The following RPS6KA3 variants were observed in gnomAD, a reference collection of about 807,000 sequenced individuals.
RPS6KA3 encodes the protein ribosomal protein S6 kinase alpha-3.
RPS6KA3 carries 4 observed loss-of-function variants against 67.2 expected under a neutral mutation model. The observed-to-expected ratio is 0.06, with a 90% CI of 0.03 to 0.14. The LOEUF (loss-of-function observed/expected upper bound fraction) is 0.14. Among genes scored for constraint, RPS6KA3 ranks in the 10% least tolerant of loss-of-function variants. RPS6KA3 has a pLI of 1.00. For synonymous variants in RPS6KA3, 182 were observed against 183.7 expected (o/e 0.99, Z 0.07); for missense variants, 204 against 559.0 (o/e 0.36, Z 6.40).
chrX:20,208,088 G>A (rs1461273741), intron 3 of RPS6KA3, among the ~76,000 whole-genome samples: 1 of 110,862 alleles, frequency 9.0e-6, no homozygotes, highest in African/African-American at 3.3e-5. Context: ...CTGGCGCGGT[G>A]GGAGGGGGAG....
chrX:20,178,008 T>C (rs1199703427), intron 10 of RPS6KA3, among the ~76,000 whole-genome samples: 4 of 111,848 alleles, frequency 3.6e-5, no homozygotes, highest in Non-Finnish European at 5.6e-5. Context: ...ACAATAATAA[T>C]AGAGCTGGGG....
chrX:20,182,069 T>C lies in RPS6KA3; in HGVS notation c.845+4227A>G, dbSNP rs2067855787. ...TTTAGACCTTTTATATTGTGTAGAA[T>C]AATATAAAATGCCCCAAAAAACCCC... On this transcript the variant is annotated intron_variant, in intron 10 of 21. Coordinates refer to ENST00000379565, the MANE Select transcript of RPS6KA3 (RefSeq NM_004586.3). Among the ~76,000 whole-genome samples, 3 of 111,391 alleles carry C rather than the reference T, an allele frequency of 2.7e-5. No homozygotes were observed. In the South Asian group the frequency reaches 1.1e-3, roughly 42 times the overall value.
chrX:20,227,676 G>T (rs1007263508), intron 2 of RPS6KA3, among the ~76,000 whole-genome samples: 24 of 108,278 alleles, frequency 2.2e-4, no homozygotes, highest in Non-Finnish European at 3.6e-4. Context: ...TCCTCATTTT[G>T]GAAAATTGCT....
At chrX:20,225,155 T>C (rs1168802841) in intron 2 of RPS6KA3, among the ~76,000 whole-genome samples, 2 of 108,661 alleles carry the variant, frequency 1.8e-5, no homozygotes, top group Non-Finnish European at 3.8e-5. Context: ...GTGATGAATA[T>C]ACTAGAACAG....
At chrX:20,198,361 AC>A (rs765446446) in intron 4 of RPS6KA3, among the ~76,000 whole-genome samples, 1 of 112,118 alleles carries the variant, frequency 8.9e-6, no homozygotes, top group Non-Finnish European at 1.9e-5. Context: ...GCTTTCTAGC[AC>A]CCGACTCTTA....
intron 1 of RPS6KA3, among the ~76,000 whole-genome samples, chrX:20,243,344 C>G (rs2069598532): frequency 8.9e-6 from 1 of 111,903 alleles, no homozygotes; most frequent in Non-Finnish European, 1.9e-5. Context: ...GCACTGGATC[C>G]CCAGTCCCCT....
At chrX:20,226,021 A>G (rs1339931719) in intron 2 of RPS6KA3, among the ~76,000 whole-genome samples, 1 of 110,437 alleles carries the variant, frequency 9.1e-6, no homozygotes, top group Admixed American at 9.6e-5. Flanking sequence ...CCCCATCTCT[A>G]AAATACAAAA....
At chrX:20,235,894 A>C (rs1214847189) in intron 1 of RPS6KA3, among the ~76,000 whole-genome samples, 1 of 112,154 alleles carries the variant, frequency 8.9e-6, no homozygotes, top group Non-Finnish European at 1.9e-5. Context: ...TTCCAAAAAG[A>C]ACTTCAAATT....
intron 10 of RPS6KA3, among the ~76,000 whole-genome samples, chrX:20,181,683 G>T (rs1204663838): frequency 9.0e-6 from 1 of 111,689 alleles, no homozygotes; most frequent in Non-Finnish European, 1.9e-5. Flanking sequence ...TGAATTGTGT[G>T]AATGAATGGT....
chrX:20,225,525 A>C (rs1251300462), intron 2 of RPS6KA3, among the ~76,000 whole-genome samples: 1 of 111,407 alleles, frequency 9.0e-6, no homozygotes, highest in Admixed American at 9.5e-5. Context: ...TCAACCAATG[A>C]GAGTTAGAAC....
chrX:20,202,887 A>G (rs781229071), intron 4 of RPS6KA3, among the ~76,000 whole-genome samples: 3 of 112,086 alleles, frequency 2.7e-5, no homozygotes, highest in African/African-American at 9.7e-5. Context: ...GATTGAGGAT[A>G]TAATTTAATT....
At chrX:20,225,179 T>C in intron 2 of RPS6KA3, among the ~76,000 whole-genome samples, 1 of 108,909 alleles carries the variant, frequency 9.2e-6, no homozygotes, top group Non-Finnish European at 1.9e-5. Context: ...AGAAGCAATT[T>C]TGGGTCAGAG....
At chrX:20,163,855 G>A (rs770709742) in intron 18 of RPS6KA3, among the ~76,000 whole-genome samples, 2 of 111,653 alleles carry the variant, frequency 1.8e-5, no homozygotes, top group Non-Finnish European at 3.8e-5. Flanking sequence ...TTTTAGTAGA[G>A]ACAGGGTTTC....
At chrX:20,193,257 A>G (rs2068188524) in intron 7 of RPS6KA3, among the ~76,000 whole-genome samples, 1 of 111,605 alleles carries the variant, frequency 9.0e-6, no homozygotes, top group Non-Finnish European at 1.9e-5. Flanking sequence ...CAGCCTGGGC[A>G]ACAAGAGCAA....
intron 1 of RPS6KA3, among the ~76,000 whole-genome samples, chrX:20,263,984 T>C (rs181060893): frequency 1.7e-3 from 185 of 112,032 alleles, no homozygotes; most frequent in African/African-American, 5.2e-3. Context: ...TATGTTACTC[T>C]GGTAAAATAC....
intron 1 of RPS6KA3, among the ~76,000 whole-genome samples, chrX:20,264,973 A>C (rs778129660): frequency 8.9e-6 from 1 of 112,485 alleles, no homozygotes; most frequent in Non-Finnish European, 1.9e-5. Flanking sequence ...AAACATCATA[A>C]ATTTGGCTTT....
At chrX:20,186,431 A>T (rs948040306) in intron 9 of RPS6KA3, 65 bp from the exon 10 acceptor site, 13 of 110,890 alleles carry the variant, frequency 1.2e-4, no homozygotes, top group Middle Eastern at 1.9e-3. Flanking sequence ...GCCAGAAGGT[A>T]AAAAAAAAAA....
chrX:20,196,846 G>GC (rs1169475854), intron 4 of RPS6KA3, among the ~76,000 whole-genome samples: 1 of 111,653 alleles, frequency 9.0e-6, no homozygotes, highest in East Asian at 2.8e-4. Flanking sequence ...TATCTGATAT[G>GC]CCCCCTTTTT....
intron 10 of RPS6KA3, among the ~76,000 whole-genome samples, chrX:20,181,090 T>C (rs888365889): frequency 8.9e-6 from 1 of 111,907 alleles, no homozygotes; most frequent in South Asian, 3.7e-4. Context: ...AAAACACCCA[T>C]ATTTTTAGCA....
Sources: gnomAD v4.1 joint callset for allele counts (sites outside exome capture counted in the v4.1 genomes callset) on GRCh38, gnomAD v4.1.1 for gene constraint, MANE v1.5 for transcripts, NCBI Gene and HGNC (gene_info 2026-07-23, HGNC 2026-07-21) for gene names.